Variants in AVEN observed in about 807,000 individuals in gnomAD.
AVEN encodes cell death regulator Aven.
Under a neutral mutation model 38.1 loss-of-function variants are expected in AVEN, and 41 were observed. The observed-to-expected ratio is 1.08, with a 90% CI of 0.84 to 1.40. The LOEUF is 1.40. Ranked by LOEUF, AVEN falls within the 40% of genes most tolerant of loss-of-function variation. AVEN has a pLI of 0.00. For missense variants in AVEN, 605 were observed against 438.8 expected, an observed-to-expected ratio of 1.38 and a Z score of -3.38; for synonymous variants, 206 against 171.8, an observed-to-expected ratio of 1.20 and a Z score of -1.56.
At chr15:33,915,216 T>C (rs1893083851) in intron 2 of AVEN, among the ~76,000 whole-genome samples, 1 of 152,124 alleles carries the variant, frequency 6.6e-6, no homozygotes. Flanking sequence ...GAGACTCACA[T>C]CGTGAACTTT....
At chr15:33,948,542 A>G (rs543531828) in intron 2 of AVEN, among the ~76,000 whole-genome samples, 172 of 152,360 alleles carry the variant, frequency 1.1e-3, no homozygotes, top group African/African-American at 4.0e-3. Context: ...ATATTTAGAT[A>G]CCTAAATAAA....
chr15:33,936,856 G>A (rs777699642), intron 2 of AVEN, among the ~76,000 whole-genome samples: 3 of 152,362 alleles, frequency 2.0e-5, no homozygotes, highest in Admixed American at 1.3e-4. Context: ...ACAGGGCCAG[G>A]CGCAGTGGCT....
intron 2 of AVEN, among the ~76,000 whole-genome samples, chr15:33,897,986 G>A (rs958216762): frequency 6.6e-6 from 1 of 152,262 alleles, no homozygotes; most frequent in African/African-American, 2.4e-5. Flanking sequence ...TCAGGAGATC[G>A]AGACCATCCT....
intron 1 of AVEN, among the ~76,000 whole-genome samples, chr15:34,017,479 T>G (rs977495401): frequency 3.3e-4 from 16 of 48,794 alleles, no homozygotes; most frequent in African/African-American, 6.5e-4. Flanking sequence ...TATGATTTTT[T>G]TTTTGTTTTT....
At chr15:34,006,081 G>A (rs191492701) in intron 1 of AVEN, among the ~76,000 whole-genome samples, 2 of 152,314 alleles carry the variant, frequency 1.3e-5, no homozygotes, top group Non-Finnish European at 2.9e-5. Flanking sequence ...GGAGGCCGAG[G>A]AGGGCAGATC....
chr15:34,052,129 C>G lies in AVEN; in HGVS notation n.1637+10793G>C, dbSNP rs964941424. Among the ~76,000 whole-genome samples, 4 of 152,058 alleles carry G rather than the reference C, an allele frequency of 2.6e-5. 1 individual carries two copies. Among genetic ancestry groups the G allele is most frequent in the Non-Finnish European group, 5.9e-5 (4 of 68,006 alleles). ...TACTGGCAAATGAAATCCAGCAGCA[C>G]ATCAAAAAGTTTATCCACCACAATC... On this transcript the variant is annotated intron_variant and non_coding_transcript_variant, in intron 5 of 11. Coordinates refer to the AVEN transcript ENST00000675287.
downstream of AVEN, among the ~76,000 whole-genome samples, chr15:33,863,188 TG>T (rs1161594472): frequency 6.6e-6 from 1 of 152,146 alleles, no homozygotes; most frequent in East Asian, 1.9e-4. Flanking sequence ...ATTTTATTCG[TG>T]TTTGAGCCTC....
chr15:34,072,890 C>G (rs1272686357), intron 1 of AVEN, among the ~76,000 whole-genome samples: 1 of 151,942 alleles, frequency 6.6e-6, no homozygotes, highest in Non-Finnish European at 1.5e-5. Flanking sequence ...ACCTTTTGAT[C>G]CGCCTGCCTT....
chr15:33,991,808 C>T (rs1896738006), intron 2 of AVEN: 1 of 151,948 alleles, frequency 6.6e-6, no homozygotes, highest in African/African-American at 2.4e-5. Flanking sequence ...GAAAAAGAAA[C>T]ACTGAAAAAA....
At chr15:33,907,540 A>G (rs1892751343) in intron 2 of AVEN, among the ~76,000 whole-genome samples, 1 of 152,194 alleles carries the variant, frequency 6.6e-6, no homozygotes. Context: ...AAGGAAATGT[A>G]GCCATATTTC....
At chr15:34,028,633 A>C (rs147551097) in intron 1 of AVEN, among the ~76,000 whole-genome samples, 1 of 152,326 alleles carries the variant, frequency 6.6e-6, no homozygotes, top group Non-Finnish European at 1.5e-5. Context: ...TGGCAAAGTG[A>C]CTATAAATAT....
chr15:33,913,609 G>A (rs1893003038), intron 2 of AVEN, among the ~76,000 whole-genome samples: 1 of 152,172 alleles, frequency 6.6e-6, no homozygotes, highest in South Asian at 2.1e-4. Flanking sequence ...TCTAATGCCA[G>A]TAACTCATAC....
downstream of AVEN, chr15:33,865,959 G>GA (rs1890383021): frequency 6.5e-6 from 1 of 152,740 alleles, no homozygotes; most frequent in Non-Finnish European, 1.5e-5. Flanking sequence ...GTACTGTACT[G>GA]AAAATTCAGA....
rs542413603 is a variant in AVEN at position 34,034,767 on chromosome 15, T to C, written c.267+4013A>G. Among the ~76,000 whole-genome samples the C allele has an allele frequency of 3.3e-5, 5 of 152,330 alleles. No individual in the cohort carries two copies. The East Asian group carries it at 9.6e-4, about 29-fold the overall frequency. On this transcript the variant is annotated intron_variant, in intron 1 of 5. Coordinates refer to ENST00000306730, the MANE Select transcript of AVEN (RefSeq NM_020371.3). The stretch of plus-strand genomic sequence containing the variant: ...CAAAATAATTACAGTGTGTGTGCAA[T>C]GGTTTGCAGCAGGAGGAGAGGTCAA...
At chr15:33,938,184 G>A (rs968197587) in intron 2 of AVEN, among the ~76,000 whole-genome samples, 3 of 152,056 alleles carry the variant, frequency 2.0e-5, no homozygotes, top group Non-Finnish European at 4.4e-5. Context: ...GGCCAGTCGC[G>A]GTGGCTCACG....
intron 2 of AVEN, among the ~76,000 whole-genome samples, chr15:33,904,428 T>G (rs967809993): frequency 1.3e-5 from 2 of 152,140 alleles, no homozygotes; most frequent in Non-Finnish European, 2.9e-5. Flanking sequence ...TTGTTTTGTT[T>G]GAGACAGAGT....
intron 2 of AVEN, among the ~76,000 whole-genome samples, chr15:33,952,180 G>C (rs2140452083): frequency 6.6e-6 from 1 of 152,250 alleles, no homozygotes; most frequent in South Asian, 2.1e-4. Context: ...CTCACAAACA[G>C]GTGGAAATGA....
intron 2 of AVEN, among the ~76,000 whole-genome samples, chr15:33,904,696 T>A (rs1237435739): frequency 0.11 from 12,549 of 117,434 alleles, 1,586 homozygotes; most frequent in African/African-American, 0.32. Context: ...AAAAAAAAAA[T>A]ATATATATAT....
At chr15:33,936,928 G>C (rs901446945) in intron 2 of AVEN, among the ~76,000 whole-genome samples, 1 of 151,724 alleles carries the variant, frequency 6.6e-6, no homozygotes, top group African/African-American at 2.4e-5. Flanking sequence ...TCAGGAGATC[G>C]AGACCATCCT....
Sources: allele counts gnomAD v4.1 joint callset (sites outside exome capture counted in the v4.1 genomes callset), GRCh38; gene constraint gnomAD v4.1.1; transcripts MANE v1.5; gene names NCBI Gene and HGNC (gene_info 2026-07-23, HGNC 2026-07-21).